The following SLC8A1 variants were observed in gnomAD, a reference collection of about 807,000 sequenced individuals.
SLC8A1 encodes solute carrier family 8 member A1.
In SLC8A1, 18 loss-of-function variants were observed where a neutral mutation model predicts 68.3. The ratio of observed to expected loss-of-function variants is 0.26; its 90% CI spans 0.18 to 0.39. The LOEUF (loss-of-function observed/expected upper bound fraction) is 0.39. Among genes scored for constraint, SLC8A1 ranks in the 10% least tolerant of loss-of-function variants. The pLI is 1.00. For missense variants in SLC8A1, 985 were observed against 1,156.7 expected (o/e 0.85, Z 2.15); for synonymous variants, 475 against 415.5 (o/e 1.14, Z -1.74).
intron 2 of SLC8A1, among the ~76,000 whole-genome samples, chr2:40,224,251 G>C (rs1408813048): frequency 6.6e-6 from 1 of 152,030 alleles, no homozygotes; most frequent in Non-Finnish European, 1.5e-5. Flanking sequence ...TGGCATCCTG[G>C]GGAGGTCTGA....
At chr2:40,451,585 G>C (rs976673091) in intron 1 of SLC8A1, among the ~76,000 whole-genome samples, 3 of 152,236 alleles carry the variant, frequency 2.0e-5, no homozygotes, top group African/African-American at 7.2e-5. Flanking sequence ...GCGGTGCAGG[G>C]TGCAGCATCT....
chr2:40,264,996 G>T (rs573839269), intron 2 of SLC8A1, among the ~76,000 whole-genome samples: 2 of 152,280 alleles, frequency 1.3e-5, no homozygotes, highest in South Asian at 4.2e-4. Context: ...CCTTTCTCTT[G>T]AAGTTATTAT....
intron 2 of SLC8A1, among the ~76,000 whole-genome samples, chr2:40,426,293 A>G (rs1250503600): frequency 5.3e-5 from 8 of 152,022 alleles, no homozygotes; most frequent in Non-Finnish European, 1.2e-4. Flanking sequence ...TTGATCTTCA[A>G]TACTCCTAAG....
chr2:40,307,154 C>CACACACACAT (rs1471919633), intron 2 of SLC8A1, among the ~76,000 whole-genome samples: 3 of 151,142 alleles, frequency 2.0e-5, no homozygotes, highest in Non-Finnish European at 4.4e-5. Flanking sequence ...TATACACACA[C>CACACACACAT]ACACACACAC....
intron 1 of SLC8A1, among the ~76,000 whole-genome samples, chr2:40,436,753 T>C (rs1047356602): frequency 2.6e-5 from 4 of 152,062 alleles, no homozygotes; most frequent in Non-Finnish European, 4.4e-5. Flanking sequence ...TTAATCTGCA[T>C]GCTAACACGG....
chr2:40,302,006 G>C (rs529531119), intron 2 of SLC8A1, among the ~76,000 whole-genome samples: 65 of 149,468 alleles, frequency 4.3e-4, no homozygotes, highest in African/African-American at 1.4e-3. Flanking sequence ...GGTATTACAG[G>C]CACCTGCCAC....
intron 2 of SLC8A1, among the ~76,000 whole-genome samples, chr2:40,187,326 A>G (rs1337285510): frequency 6.6e-6 from 1 of 152,194 alleles, no homozygotes; most frequent in Non-Finnish European, 1.5e-5. Context: ...TGTAATTTAA[A>G]TAGACTCCAA....
intron 2 of SLC8A1, among the ~76,000 whole-genome samples, chr2:40,288,616 G>T (rs905665252): frequency 4.6e-5 from 7 of 151,928 alleles, no homozygotes; most frequent in African/African-American, 1.7e-4. Flanking sequence ...CCTCTCCCCA[G>T]TTCTGTGTTT....
intron 2 of SLC8A1, among the ~76,000 whole-genome samples, chr2:40,313,218 G>A (rs1218519987): frequency 6.6e-6 from 1 of 152,040 alleles, no homozygotes; most frequent in Non-Finnish European, 1.5e-5. Flanking sequence ...AGGAGAGTCA[G>A]GCTTTCACTC....
At chr2:40,243,426 G>T (rs1284270245) in intron 2 of SLC8A1, among the ~76,000 whole-genome samples, 1 of 152,170 alleles carries the variant, frequency 6.6e-6, no homozygotes, top group African/African-American at 2.4e-5. Flanking sequence ...AGATGTTATA[G>T]TGACCAAGAT....
At chr2:40,272,284 T>C (rs894490712) in intron 2 of SLC8A1, among the ~76,000 whole-genome samples, 1 of 152,178 alleles carries the variant, frequency 6.6e-6, no homozygotes, top group Non-Finnish European at 1.5e-5. Context: ...CCATAATAGA[T>C]CGCAGTCCCT....
At chr2:40,448,984 C>A (rs1007944240) in intron 1 of SLC8A1, among the ~76,000 whole-genome samples, 1 of 151,936 alleles carries the variant, frequency 6.6e-6, no homozygotes, top group Non-Finnish European at 1.5e-5. Flanking sequence ...CTCTAACAGC[C>A]TCTTCTAGAG....
chr2:40,479,620 G>T (rs1704503217), intron 1 of SLC8A1, among the ~76,000 whole-genome samples: 1 of 152,052 alleles, frequency 6.6e-6, no homozygotes, highest in African/African-American at 2.4e-5. Context: ...ATATTTCAGG[G>T]GTGGTAAGTG....
chr2:40,347,469 C>T (rs1211549473), intron 2 of SLC8A1, among the ~76,000 whole-genome samples: 1 of 152,202 alleles, frequency 6.6e-6, no homozygotes, highest in East Asian at 1.9e-4. Flanking sequence ...GAGCTCAATG[C>T]CTGGCTTCAG....
chr2:40,149,179 G>A (rs1160853340), intron 6 of SLC8A1, among the ~76,000 whole-genome samples: 8 of 152,172 alleles, frequency 5.3e-5, no homozygotes, highest in Non-Finnish European at 1.0e-4. Flanking sequence ...GGACCTCTAG[G>A]AAATCTTCAA....
rs564516538 is a variant in SLC8A1 at position 40,356,598 on chromosome 2, T to C, written c.1808+71875A>G. On this transcript the variant is annotated intron_variant, in intron 2 of 7. Transcript: ENST00000406785. ...TTTCAAAATCACGTATGGTCCAAGA[T>C]ACCAAGAAAAAAAAAAACTGCCTGT... Among the ~76,000 whole-genome samples, 11 of 124,212 alleles carry C rather than the reference T, an allele frequency of 8.9e-5. No individual in the cohort carries two copies. In the East Asian group the frequency reaches 1.2e-3, roughly 13 times the overall value. 81.5% of individuals were successfully genotyped at this position (124,212 alleles called of 152,430 possible).
intron 2 of SLC8A1, among the ~76,000 whole-genome samples, chr2:40,218,904 T>G (rs776427873): frequency 6.6e-6 from 1 of 152,146 alleles, no homozygotes; most frequent in Non-Finnish European, 1.5e-5. Context: ...TGCCCAACGT[T>G]TGTGGCAGGG....
chr2:40,402,065 G>A (rs1007672895), intron 2 of SLC8A1, among the ~76,000 whole-genome samples: 1 of 152,162 alleles, frequency 6.6e-6, no homozygotes, highest in Non-Finnish European at 1.5e-5. Flanking sequence ...AAGTGGTGAG[G>A]CATTCTTAGT....
chr2:40,273,906 A>G (rs1402109438), intron 2 of SLC8A1, among the ~76,000 whole-genome samples: 1 of 143,604 alleles, frequency 7.0e-6, no homozygotes, highest in Admixed American at 7.2e-5. Flanking sequence ...ATGTGCTGTC[A>G]GCCTCTCTCT....
Sources: gnomAD v4.1 joint callset for allele counts (sites outside exome capture counted in the v4.1 genomes callset) on GRCh38, gnomAD v4.1.1 for gene constraint, MANE v1.5 for transcripts, NCBI Gene and HGNC (gene_info 2026-07-23, HGNC 2026-07-21) for gene names.